Variants in HDAC9 observed in about 807,000 individuals in gnomAD.
The protein encoded by HDAC9 is MEF-2 interacting transcription repressor (MITR) protein.
In HDAC9, 41 loss-of-function variants were observed where a neutral mutation model predicts 139.4. The ratio of observed to expected loss-of-function variants is 0.29; its 90% CI spans 0.23 to 0.38. The LOEUF is 0.38. HDAC9 is among the 10% of genes least tolerant of loss of function. The pLI, the probability that HDAC9 is intolerant of heterozygous loss-of-function variation, is 1.00. For missense variants in HDAC9, 1,147 were observed against 1,297.0 expected, an observed-to-expected ratio of 0.88 and a Z score of 1.78; for synonymous variants, 517 against 476.2, an observed-to-expected ratio of 1.09 and a Z score of -1.12.
At chr7:18,963,728 A>T (rs1783675754) in intron 24 of HDAC9, among the ~76,000 whole-genome samples, 1 of 152,214 alleles carries the variant, frequency 6.6e-6, no homozygotes, top group African/African-American at 2.4e-5. Flanking sequence ...CTGTCTTAGC[A>T]GACCTAAAAA....
intron 2 of HDAC9, among the ~76,000 whole-genome samples, chr7:18,180,228 C>CACACAT (rs2082010995): frequency 3.0e-5 from 1 of 32,906 alleles, no homozygotes; most frequent in South Asian, 1.2e-3. Flanking sequence ...AAGACACATA[C>CACACAT]ACACACACAC....
chr7:18,648,657 T>C lies in HDAC9; in HGVS notation c.1441T>C (p.Tyr481His). 6.2e-7 allele frequency: 1 copy of C among 1,612,918 alleles called. No homozygotes were observed. The highest frequency in any genetic ancestry group is 8.5e-7 in the Non-Finnish European group (1 of 1,179,406). The change falls in exon 11 of 26, where the codon TAC becomes CAC. Residue 481 changes from tyrosine (Y) to histidine (H), a missense_variant. Tyr to His is a moderately conservative substitution (Grantham distance 83, BLOSUM62 2). This residue lies in a region of HDAC9 where 256 missense variants were observed against 219.2 expected (regional missense o/e 1.17). Coordinates refer to ENST00000686413, the MANE Select transcript of HDAC9 (RefSeq NM_178425.4). ...HQQFLEKQKQ[Y>H]QQQIHMNKLL... is the part of the protein sequence containing the mutation. ...GCAATTCTTGGAGAAGCAGAAGCAA[T>C]ACCAGCAGCAGATCCACATGAACAA...
At chr7:18,216,222 T>C (rs1792304340) in intron 2 of HDAC9, among the ~76,000 whole-genome samples, 2 of 152,024 alleles carry the variant, frequency 1.3e-5, no homozygotes, top group South Asian at 4.1e-4. Flanking sequence ...GTTGGAGCTT[T>C]TCCCAGAAAG....
chr7:18,667,990 G>A (rs1485709115), intron 12 of HDAC9: 4 of 971,330 alleles, frequency 4.1e-6, no homozygotes, highest in African/African-American at 1.8e-5. Flanking sequence ...TTCTAAATCC[G>A]AGGTATTTCA....
intron 13 of HDAC9, among the ~76,000 whole-genome samples, chr7:18,741,004 A>C (rs765136372): frequency 6.6e-6 from 1 of 152,184 alleles, no homozygotes; most frequent in Non-Finnish European, 1.5e-5. Flanking sequence ...GAAGTTGCTG[A>C]AGAAAAGTTG....
chr7:18,346,977 C>T (rs659310), intron 1 of HDAC9, among the ~76,000 whole-genome samples: 150,869 of 152,266 alleles, frequency 0.99, 74,763 homozygotes, highest in East Asian at 1. Context: ...GAGAGGCTGG[C>T]GGCACAAAGG....
At chr7:18,322,780 A>AG (rs1800127309) in intron 1 of HDAC9, among the ~76,000 whole-genome samples, 1 of 152,186 alleles carries the variant, frequency 6.6e-6, no homozygotes, top group Non-Finnish European at 1.5e-5. Flanking sequence ...TGTAGGAGAG[A>AG]GAAAAATAAC....
intron 1 of HDAC9, among the ~76,000 whole-genome samples, chr7:18,482,723 C>T (rs1363548912): frequency 6.6e-6 from 1 of 152,056 alleles, no homozygotes; most frequent in Non-Finnish European, 1.5e-5. Flanking sequence ...TCTTCCTGGG[C>T]CATCGAATCA....
chr7:18,425,229 T>C (rs1357009680), intron 1 of HDAC9, among the ~76,000 whole-genome samples: 1 of 152,156 alleles, frequency 6.6e-6, no homozygotes, highest in Non-Finnish European at 1.5e-5. Flanking sequence ...AAATGCAAAA[T>C]TATCATTAAC....
intron 17 of HDAC9, among the ~76,000 whole-genome samples, chr7:18,808,513 A>G (rs926385253): frequency 2.6e-5 from 4 of 152,140 alleles, no homozygotes; most frequent in African/African-American, 7.2e-5. Context: ...TGGTGTTTCA[A>G]CATACTAACA....
Position 18,899,108 on chromosome 7 carries a change from A to G in HDAC9, c.2803+24512A>G, listed in dbSNP as rs115831697. 2.7e-3 allele frequency among the ~76,000 whole-genome samples: 405 copies of G among 152,122 alleles called. 1 individual carries two copies. Among genetic ancestry groups the G allele is most frequent in the African/African-American group, 9.5e-3 (393 of 41,552 alleles). On this transcript the variant is annotated intron_variant, in intron 22 of 25. Coordinates refer to ENST00000686413, the MANE Select transcript of HDAC9 (RefSeq NM_178425.4). The stretch of plus-strand genomic sequence containing the variant: ...TAAGCAAACTGTTATTAATGAAAAA[A>G]CATGTTTTAATGTTAGGATATATTT...
At chr7:18,601,029 C>CT (rs1833806015) in intron 6 of HDAC9, among the ~76,000 whole-genome samples, 1 of 152,104 alleles carries the variant, frequency 6.6e-6, no homozygotes, top group Non-Finnish European at 1.5e-5. Context: ...CTTACTGGGA[C>CT]TTTAACTGGG....
chr7:18,638,554 A>G (rs965393777), intron 8 of HDAC9, among the ~76,000 whole-genome samples: 2 of 152,092 alleles, frequency 1.3e-5, no homozygotes, highest in Non-Finnish European at 2.9e-5. Flanking sequence ...CTGATCTAGG[A>G]GAAGGTAGTA....
chr7:18,660,373 G>C (rs766156107), intron 11 of HDAC9, among the ~76,000 whole-genome samples: 1 of 152,114 alleles, frequency 6.6e-6, no homozygotes, highest in African/African-American at 2.4e-5. Flanking sequence ...TTTTATTCCA[G>C]AGAAGATGAA....
At chr7:18,173,030 T>C (rs141653670) in intron 2 of HDAC9, among the ~76,000 whole-genome samples, 1,955 of 152,306 alleles carry the variant, frequency 0.013, 40 homozygotes, top group African/African-American at 0.044. Context: ...CTCGTTGATC[T>C]GTCTAATATT....
chr7:18,524,290 A>G (rs1051620130), intron 2 of HDAC9, among the ~76,000 whole-genome samples: 6 of 152,172 alleles, frequency 3.9e-5, no homozygotes, highest in Admixed American at 2.0e-4. Flanking sequence ...GAGAACTCTA[A>G]CTATAGTCTC....
chr7:18,693,993 G>A (rs992669643), intron 12 of HDAC9, among the ~76,000 whole-genome samples: 5 of 152,136 alleles, frequency 3.3e-5, no homozygotes, highest in East Asian at 1.9e-4. Context: ...GTTGGTAACC[G>A]ATTGTACACA....
At chr7:18,932,929 T>A (rs1248780821) in intron 22 of HDAC9, among the ~76,000 whole-genome samples, 1 of 151,852 alleles carries the variant, frequency 6.6e-6, no homozygotes, top group Admixed American at 6.6e-5. Context: ...AGTTTTAAGG[T>A]CCATATTTAT....
intron 2 of HDAC9, among the ~76,000 whole-genome samples, chr7:18,540,196 C>G (rs1812347864): frequency 6.7e-6 from 1 of 150,148 alleles, no homozygotes; most frequent in Non-Finnish European, 1.5e-5. Context: ...TCACTTGAAC[C>G]CGGGAAGCGG....
Sources: allele counts gnomAD v4.1 joint callset (sites outside exome capture counted in the v4.1 genomes callset), GRCh38; gene constraint gnomAD v4.1.1; regional missense constraint gnomAD v4.1.1; transcripts MANE v1.5; gene names NCBI Gene and HGNC (gene_info 2026-07-23, HGNC 2026-07-21).